CLIP4: variants seen among roughly 807,000 people sequenced by gnomAD.
CLIP4 encodes the protein CAP-Gly domain containing linker protein family member 4.
In CLIP4, 47 loss-of-function variants were observed where a neutral mutation model predicts 73.1. That is an observed-to-expected ratio of 0.64 (90% CI 0.51 to 0.82). The LOEUF is 0.82. Ranked by LOEUF, CLIP4 falls within the 40% of genes least tolerant of loss-of-function variation. CLIP4 has a pLI of 0.00. For missense variants in CLIP4, 874 were observed against 852.9 expected, an observed-to-expected ratio of 1.02 and a Z score of -0.31; for synonymous variants, 306 against 295.4, an observed-to-expected ratio of 1.04 and a Z score of -0.37.
chr2:29,157,285 C>T lies in CLIP4; in HGVS notation c.1337C>T (p.Ala446Val), dbSNP rs2148042830. 6.2e-7 allele frequency: 1 copy of T among 1,614,138 alleles called. No homozygotes were observed. Among genetic ancestry groups the T allele is most frequent in the East Asian group, 2.2e-5 (1 of 44,874 alleles). ...HRQSYPKKQN[A>V]ISSNKKTMSK... ...CAGAGCTACCCCAAGAAACAGAATG[C>T]AATCAGCAGTAACAAGAAGACAATG... Residue 446 changes from alanine to valine, a missense_variant, in exon 11 of 16, where the codon GCA becomes GTA. Transcript: ENST00000320081.
chr2:29,163,627 T>C (rs1161365343), intron 12 of CLIP4, among the ~76,000 whole-genome samples: 2 of 152,212 alleles, frequency 1.3e-5, no homozygotes, highest in Admixed American at 6.5e-5. Flanking sequence ...TCTGCAATTA[T>C]GCTTGTAAAA....
At chr2:29,140,419 T>C (rs552909968) in intron 6 of CLIP4, among the ~76,000 whole-genome samples, 2 of 152,282 alleles carry the variant, frequency 1.3e-5, no homozygotes, top group African/African-American at 4.8e-5. Context: ...TCATCATTTT[T>C]TATGGCTGCA....
Position 29,123,741 on chromosome 2 carries a change from G to A in CLIP4, c.133+2220G>A, listed in dbSNP as rs556132274. ...GAGTAAGACACCGGCCAGGTCATGC[G>A]GGGTCATGTAGGCCCCCATAGGGAA... On this transcript the variant is annotated intron_variant, in intron 2 of 15. Transcript: ENST00000320081. Among the ~76,000 whole-genome samples the A allele has an allele frequency of 9.2e-5, 14 of 152,236 alleles. No homozygotes were observed. The South Asian group carries it at 2.1e-3, about 23-fold the overall frequency.
intron 6 of CLIP4, among the ~76,000 whole-genome samples, chr2:29,138,182 A>G (rs1665507042): frequency 6.6e-6 from 1 of 152,094 alleles, no homozygotes; most frequent in Non-Finnish European, 1.5e-5. Flanking sequence ...TAATTTTTGT[A>G]TATAGTGAGT....
chr2:29,149,413 T>TA (rs1020149076), intron 8 of CLIP4, among the ~76,000 whole-genome samples: 8 of 150,618 alleles, frequency 5.3e-5, no homozygotes, highest in African/African-American at 1.7e-4. Context: ...TCCTTTTCTT[T>TA]TTTTTTTTTT....
intron 8 of CLIP4, among the ~76,000 whole-genome samples, chr2:29,149,731 A>G (rs1339750685): frequency 9.6e-6 from 1 of 103,936 alleles, no homozygotes; most frequent in South Asian, 2.6e-4. Context: ...TGGCTAATAA[A>G]AAAAAAAAAA....
intron 15 of CLIP4, among the ~76,000 whole-genome samples, chr2:29,176,470 C>T (rs893272253): frequency 6.6e-6 from 1 of 152,106 alleles, no homozygotes; most frequent in Non-Finnish European, 1.5e-5. Context: ...CACGTTTGGC[C>T]CCTGTGAGTG....
At chr2:29,127,102 A>C (rs1367527422) in intron 2 of CLIP4, among the ~76,000 whole-genome samples, 1 of 152,168 alleles carries the variant, frequency 6.6e-6, no homozygotes, top group Non-Finnish European at 1.5e-5. Context: ...CTGATTATAT[A>C]TGTAAGTGCA....
At chr2:29,147,066 A>T (rs879253686) in intron 8 of CLIP4, among the ~76,000 whole-genome samples, 1 of 152,194 alleles carries the variant, frequency 6.6e-6, no homozygotes. Context: ...CTGCATTTTT[A>T]TTTAATATCC....
chr2:29,161,767 C>T (rs919160353), intron 12 of CLIP4, among the ~76,000 whole-genome samples: 15 of 152,194 alleles, frequency 9.9e-5, no homozygotes, highest in Non-Finnish European at 1.9e-4. Context: ...GTACACATCC[C>T]TGCCATTTGC....
At chr2:29,148,092 C>G (rs1325582296) in intron 8 of CLIP4, among the ~76,000 whole-genome samples, 1 of 152,028 alleles carries the variant, frequency 6.6e-6, no homozygotes, top group Non-Finnish European at 1.5e-5. Context: ...AGCTGGATAC[C>G]CCCGTCCCCT....
At chr2:29,143,532 C>T (rs1665928755) in intron 6 of CLIP4, among the ~76,000 whole-genome samples, 177 bp from the exon 7 acceptor site, 2 of 151,692 alleles carry the variant, frequency 1.3e-5, no homozygotes, top group Admixed American at 1.3e-4. Context: ...GTGTTTTTTT[C>T]ACTGTAGGAT....
At chr2:29,109,865 C>G (rs1668338767) in intron 1 of CLIP4, among the ~76,000 whole-genome samples, 1 of 152,110 alleles carries the variant, frequency 6.6e-6, no homozygotes, top group Admixed American at 6.5e-5. Flanking sequence ...CAAGACCAGC[C>G]TGGCCGTCAT....
intron 2 of CLIP4, among the ~76,000 whole-genome samples, chr2:29,128,458 AC>A (rs1558524465): frequency 6.6e-6 from 1 of 151,996 alleles, no homozygotes; most frequent in Non-Finnish European, 1.5e-5. Flanking sequence ...ACAAAAAAAA[AC>A]AAAACCCCTT....
Position 29,145,225 on chromosome 2 carries a change from T to C in CLIP4, c.886-7T>C. Reference sequence around the variant, plus strand: ...CCCAAAATTATTCTGGTTTATATTTTCTTTAGGTTGGTACATTAAGATTTT... The same window carrying C: ...CCCAAAATTATTCTGGTTTATATTTCCTTTAGGTTGGTACATTAAGATTTT... On this transcript the variant is annotated splice_region_variant and splice_polypyrimidine_tract_variant and intron_variant, in intron 7 of 15. Transcript: ENST00000320081. 1 of 1,610,854 alleles carries C rather than the reference T, an allele frequency of 6.2e-7. No individual in the cohort carries two copies.
rs118062920 is a variant in CLIP4, at chr2:29,155,732, A to G, written c.1166-622A>G. 1.1e-3 allele frequency among the ~76,000 whole-genome samples: 160 copies of G among 152,278 alleles called. 3 individuals are homozygous for G. The East Asian group carries it at 0.029, about 27-fold the overall frequency. ...GAGTTCAGGCTCTCATGCTTGGACT[A>G]TGCTAATAATGTCTGACTGGTCCCT... On this transcript the variant is annotated intron_variant, in intron 9 of 15. Coordinates refer to ENST00000320081, the MANE Select transcript of CLIP4 (RefSeq NM_024692.6).
chr2:29,163,765 T>C (rs1667433139), intron 12 of CLIP4, 66 bp from the exon 13 acceptor site: 2 of 1,475,180 alleles, frequency 1.4e-6, no homozygotes, highest in African/African-American at 1.4e-5. Flanking sequence ...ACTTTGGTTT[T>C]GTATAGTAGC....
chr2:29,109,582 G>A (rs1486057640), intron 1 of CLIP4, among the ~76,000 whole-genome samples: 1 of 152,072 alleles, frequency 6.6e-6, no homozygotes, highest in Non-Finnish European at 1.5e-5. Flanking sequence ...TTATCCTACA[G>A]AGTTATAGAG....
At position 29,152,734 on chromosome 2, in the gene CLIP4, G is replaced by C. The variant is rs1484962562; in HGVS notation, c.1071G>C (p.Lys357Asn). ...TAAGTAAAGCAAAAGGTCGAAGGAA[G>C]AATATAACACACACTCCTTCTACAA... Reference protein sequence around the residue: ...SKISKAKGRRKNITHTPSTKA... With the variant: ...SKISKAKGRRNNITHTPSTKA... Residue 357 changes from lysine (K) to asparagine (N), a missense_variant, in exon 9 of 16, where the codon AAG becomes AAC. Physicochemically the swap from Lys to Asn is moderately conservative, Grantham distance 94 (BLOSUM62 0). Coordinates refer to ENST00000320081, the MANE Select transcript of CLIP4 (RefSeq NM_024692.6). 6.2e-7 allele frequency: 1 copy of C among 1,613,720 alleles called. No individual in the cohort carries two copies. The highest frequency in any genetic ancestry group is 1.3e-5 in the African/African-American group (1 of 75,014).
Sources: gnomAD v4.1 joint callset for allele counts (sites outside exome capture counted in the v4.1 genomes callset) on GRCh38, gnomAD v4.1.1 for gene constraint, MANE v1.5 for transcripts, NCBI Gene and HGNC (gene_info 2026-07-23, HGNC 2026-07-21) for gene names.